USP34: variants seen among roughly 807,000 people sequenced by gnomAD.
USP34 encodes ubiquitin carboxyl-terminal hydrolase 34.
A neutral mutation model predicts 460.3 loss-of-function variants in USP34; 70 were observed. That is an observed-to-expected ratio of 0.15 (90% CI 0.13 to 0.19). The LOEUF (loss-of-function observed/expected upper bound fraction) is 0.19, where lower values mean the gene tolerates loss of function less well. Ranked by LOEUF, USP34 falls within the 10% of genes least tolerant of loss-of-function variation. The pLI is 1.00. For synonymous variants in USP34, 1,647 were observed against 1,405.3 expected, an observed-to-expected ratio of 1.17 and a Z score of -3.85; for missense variants, 3,985 against 4,236.2, an observed-to-expected ratio of 0.94 and a Z score of 1.65.
intron 15 of USP34, among the ~76,000 whole-genome samples, chr2:61,345,622 G>C (rs1691744507): frequency 6.6e-6 from 1 of 152,154 alleles, no homozygotes; most frequent in Non-Finnish European, 1.5e-5. Context: ...AAAACCATGA[G>C]ATAGATACTA....
intron 66 of USP34, among the ~76,000 whole-genome samples, chr2:61,221,166 ACT>A (rs1200536959): frequency 6.6e-6 from 1 of 152,128 alleles, no homozygotes; most frequent in East Asian, 1.9e-4. Context: ...CTCAGCAGTA[ACT>A]CTGGAAGCAA....
chr2:61,353,583 T>G (rs1473940807), intron 10 of USP34, among the ~76,000 whole-genome samples: 1 of 151,478 alleles, frequency 6.6e-6, no homozygotes. Context: ...TTGTTTTTTT[T>G]GTTTAGTTGG....
chr2:61,427,708 T>TA (rs1694552356), intron 1 of USP34, among the ~76,000 whole-genome samples: 2 of 152,226 alleles, frequency 1.3e-5, no homozygotes, highest in South Asian at 4.1e-4. Context: ...AAGAATGTAT[T>TA]AGTCTTTTGC....
At chr2:61,345,938 T>C (rs1296843036) in intron 15 of USP34, among the ~76,000 whole-genome samples, 4 of 152,180 alleles carry the variant, frequency 2.6e-5, no homozygotes, top group African/African-American at 9.6e-5. Flanking sequence ...ATTGAAAAAA[T>C]GAAGAAAAAT....
At chr2:61,304,009 T>C (rs1262128004) in intron 27 of USP34, among the ~76,000 whole-genome samples, 1 of 152,192 alleles carries the variant, frequency 6.6e-6, no homozygotes, top group Non-Finnish European at 1.5e-5. Context: ...GCGATTCTCA[T>C]GCCTCAGCCT....
intron 19 of USP34, among the ~76,000 whole-genome samples, chr2:61,333,442 T>C (rs149063169): frequency 3.9e-4 from 59 of 152,166 alleles, no homozygotes; most frequent in African/African-American, 1.3e-3. Context: ...TTATGGAGCA[T>C]TTCAGATTTT....
rs148862524 is a variant in USP34, at chr2:61,301,973, G to GGAAA, written c.3818-523_3818-520dup. On this transcript the variant is annotated intron_variant, in intron 27 of 79. Coordinates refer to ENST00000398571, the MANE Select transcript of USP34 (RefSeq NM_014709.4). The stretch of plus-strand genomic sequence containing the variant: ...AAAAGAGAGGGAAGGAAAGGAAAAA[G>GGAAA]GAAAGAAAGAAAGAAAGAAAAAAAG... Among the ~76,000 whole-genome samples, 196 of 151,440 alleles carry GGAAA rather than the reference G, an allele frequency of 1.3e-3. 1 individual carries two copies. The East Asian group carries it at 0.032, about 25-fold the overall frequency.
At chr2:61,268,226 T>C (rs776525251) in intron 41 of USP34, among the ~76,000 whole-genome samples, 2 of 152,086 alleles carry the variant, frequency 1.3e-5, no homozygotes, top group Non-Finnish European at 2.9e-5. Context: ...TTTAGGCTGC[T>C]GTAATAAAAT....
intron 75 of USP34, among the ~76,000 whole-genome samples, chr2:61,194,968 A>G (rs1000565628): frequency 1.6e-5 from 2 of 126,694 alleles, no homozygotes; most frequent in South Asian, 2.5e-4. Flanking sequence ...AAAAAAAAAA[A>G]AAGTTTTGGG....
At chr2:61,404,133 T>C (rs1168357378) in intron 3 of USP34, among the ~76,000 whole-genome samples, 1 of 150,472 alleles carries the variant, frequency 6.6e-6, no homozygotes, top group Non-Finnish European at 1.5e-5. Flanking sequence ...AGGGAAAATA[T>C]CTGCCCTCAA....
intron 1 of USP34, among the ~76,000 whole-genome samples, chr2:61,422,170 A>G (rs1694381962): frequency 1.3e-5 from 2 of 152,346 alleles, no homozygotes; most frequent in South Asian, 4.1e-4. Context: ...GTTGGGGCCT[A>G]AGATGAAGCA....
chr2:61,315,594 C>G (rs184857882), intron 23 of USP34, among the ~76,000 whole-genome samples: 1 of 152,036 alleles, frequency 6.6e-6, no homozygotes, highest in South Asian at 2.1e-4. Context: ...AGGCTGGTCT[C>G]GAACTCCCAA....
At position 61,295,256 on chromosome 2, in the gene USP34, T is replaced by C. The variant is rs768912118; in HGVS notation, c.4289A>G (p.Lys1430Arg). 8 of 1,607,898 alleles carry C rather than the reference T, an allele frequency of 5.0e-6. No individual in the cohort carries two copies. Among genetic ancestry groups the C allele is most frequent in the Non-Finnish European group, 5.9e-6 (7 of 1,177,874 alleles). ...CAATAGCTTGTGGGCGCTCTTAATT[T>C]TGAGAAGTTCTTTCCAATTAAATCC... ...NDGFNWKELL[K>R]IKSAHKLLYA... The change falls in exon 31 of 80, where the codon AAA (lysine) becomes AGA (arginine). Residue 1430 changes from lysine to arginine, a missense_variant. By Grantham distance (26) the Lys-to-Arg change is conservative. Transcript: ENST00000398571.
chr2:61,432,020 G>C (rs538508363), intron 1 of USP34, among the ~76,000 whole-genome samples: 1 of 147,998 alleles, frequency 6.8e-6, no homozygotes, highest in East Asian at 1.9e-4. Context: ...ATATGTATAA[G>C]AATTACGTAT....
At chr2:61,210,504 G>C (rs1049857979) in intron 69 of USP34, among the ~76,000 whole-genome samples, 8 of 152,160 alleles carry the variant, frequency 5.3e-5, no homozygotes, top group Admixed American at 5.2e-4. Flanking sequence ...TAGTCACTCT[G>C]ATGTTTGCAC....
chr2:61,291,879 T>G (rs1689863380), intron 33 of USP34, among the ~76,000 whole-genome samples: 1 of 152,132 alleles, frequency 6.6e-6, no homozygotes, highest in South Asian at 2.1e-4. Flanking sequence ...TGTAATATAA[T>G]TATAAAAAAA....
In USP34 at chr2:61,265,554, T is replaced by C. The variant is rs1460898146; in HGVS notation, c.5621A>G (p.His1874Arg). Reference sequence around the variant, plus strand: ...CCAGTAATCCCATTTATAAGGTGCATGGGCTGCTGAAGAAAGAGGGAGGAA... The same window carrying C: ...CCAGTAATCCCATTTATAAGGTGCACGGGCTGCTGAAGAAAGAGGGAGGAA... ...NWVMAQHMQS[H>R]APYKWDYWPH... is the part of the protein sequence containing the mutation. Residue 1874 changes from histidine (H) to arginine (R), a missense_variant, in exon 43 of 80, where the codon CAT becomes CGT. His to Arg is a conservative substitution (Grantham distance 29). Transcript: ENST00000398571. 3.1e-6 allele frequency: 5 copies of C among 1,590,096 alleles called. No individual in the cohort carries two copies. The Admixed American group carries it at 5.2e-5, about 17-fold the overall frequency.
At chr2:61,341,046 A>T (rs1256701277) in intron 16 of USP34, among the ~76,000 whole-genome samples, 5 of 152,072 alleles carry the variant, frequency 3.3e-5, no homozygotes, top group Non-Finnish European at 5.9e-5. Flanking sequence ...TTTCCTTACA[A>T]ATTACTTTTG....
At chr2:61,304,327 C>A (rs2103651349) in intron 27 of USP34, among the ~76,000 whole-genome samples, 1 of 152,242 alleles carries the variant, frequency 6.6e-6, no homozygotes, top group African/African-American at 2.4e-5. Flanking sequence ...AACTTTGTTC[C>A]AAAAGAGAAC....
Sources: gnomAD v4.1 joint callset for allele counts (sites outside exome capture counted in the v4.1 genomes callset) on GRCh38, gnomAD v4.1.1 for gene constraint, MANE v1.5 for transcripts, NCBI Gene and HGNC (gene_info 2026-07-23, HGNC 2026-07-21) for gene names.